Variants in ZNF804B observed in about 807,000 individuals in gnomAD.
The protein encoded by ZNF804B is zinc finger protein 804B, also known as zinc finger 804B.
Under a neutral mutation model 101.4 loss-of-function variants are expected in ZNF804B, and 80 were observed. The observed-to-expected ratio is 0.79, with a 90% CI of 0.66 to 0.95. The LOEUF (loss-of-function observed/expected upper bound fraction) is 0.95, where lower values mean the gene tolerates loss of function less well. Ranked by LOEUF, ZNF804B falls within the 40% of genes least tolerant of loss-of-function variation. The pLI, the probability that ZNF804B is intolerant of heterozygous loss-of-function variation, is 0.00. For synonymous variants in ZNF804B, 622 were observed against 558.8 expected (o/e 1.11, Z -1.59); for missense variants, 1,673 against 1,561.9 (o/e 1.07, Z -1.20).
At chr7:88,932,886 TGATTCCAAAAGATAAAC>T (rs1364562974) in intron 1 of ZNF804B, among the ~76,000 whole-genome samples, 1 of 151,628 alleles carries the variant, frequency 6.6e-6, no homozygotes, top group Admixed American at 6.6e-5. Flanking sequence ...CCTACTGAAA[TGATTCCAAAAGATAAAC>T]GATTCCAAAA....
intron 2 of ZNF804B, among the ~76,000 whole-genome samples, chr7:89,291,775 A>T (rs1450116143): frequency 6.6e-6 from 1 of 152,124 alleles, no homozygotes; most frequent in African/African-American, 2.4e-5. Context: ...ATCGAAGTAC[A>T]AGAAAGTTAT....
chr7:88,942,595 A>G (rs1471245209), intron 1 of ZNF804B, among the ~76,000 whole-genome samples: 1 of 151,570 alleles, frequency 6.6e-6, no homozygotes, highest in Non-Finnish European at 1.5e-5. Context: ...GCTTGAAAAA[A>G]AAAAGCCTGG....
chr7:89,015,059 T>C (rs1189967290), intron 1 of ZNF804B, among the ~76,000 whole-genome samples: 3 of 152,202 alleles, frequency 2.0e-5, no homozygotes, highest in Admixed American at 6.5e-5. Context: ...GCTTTCATTC[T>C]TCTGCATATA....
At chr7:89,016,002 T>C (rs182159413) in intron 1 of ZNF804B, among the ~76,000 whole-genome samples, 2,661 of 152,286 alleles carry the variant, frequency 0.017, 37 homozygotes, top group South Asian at 0.029. Context: ...GCACCTGTTG[T>C]TTCCTGGCTT....
Position 88,886,093 on chromosome 7 carries a change from A to T in ZNF804B, c.108+126009A>T, listed in dbSNP as rs1229687048. Among the ~76,000 whole-genome samples the T allele has an allele frequency of 6.6e-5, 10 of 152,260 alleles. No homozygotes were observed. In the South Asian group the frequency reaches 2.1e-3, roughly 31 times the overall value. On this transcript the variant is annotated intron_variant, in intron 1 of 3. Coordinates refer to ENST00000333190, the MANE Select transcript of ZNF804B (RefSeq NM_181646.5). ...TCACCATAAGATATGAACATAATTT[A>T]GGAGACGAATTAGTTCAAAACAATG...
intron 1 of ZNF804B, among the ~76,000 whole-genome samples, chr7:88,988,825 T>C (rs2116148628): frequency 6.6e-6 from 1 of 152,244 alleles, no homozygotes; most frequent in East Asian, 1.9e-4. Flanking sequence ...GAGAAGAACC[T>C]TTTAAAACGA....
At chr7:88,792,691 GGT>G (rs1265478839) in intron 1 of ZNF804B, among the ~76,000 whole-genome samples, 1 of 151,848 alleles carries the variant, frequency 6.6e-6, no homozygotes, top group African/African-American at 2.4e-5. Flanking sequence ...TTTAATATTA[GGT>G]GTTTTTTTCT....
chr7:88,990,326 G>T (rs1420109578), intron 1 of ZNF804B, among the ~76,000 whole-genome samples: 11 of 151,762 alleles, frequency 7.2e-5, no homozygotes, highest in Non-Finnish European at 1.6e-4. Context: ...AAAATAAGTG[G>T]ATTGTATCCT....
At chr7:89,164,798 AAAT>A (rs1448875701) in intron 1 of ZNF804B, among the ~76,000 whole-genome samples, 2 of 152,238 alleles carry the variant, frequency 1.3e-5, no homozygotes, top group African/African-American at 2.4e-5. Flanking sequence ...TGAAGCATTA[AAAT>A]AATATCTGTA....
chr7:88,819,055 T>C (rs1382259798), intron 1 of ZNF804B, among the ~76,000 whole-genome samples: 1 of 152,148 alleles, frequency 6.6e-6, no homozygotes, highest in Non-Finnish European at 1.5e-5. Context: ...GATAGTAGCG[T>C]GATTGACTGT....
chr7:89,103,205 T>C (rs112711679), intron 1 of ZNF804B, among the ~76,000 whole-genome samples: 49 of 150,962 alleles, frequency 3.2e-4, no homozygotes, highest in Non-Finnish European at 6.2e-4. Context: ...TTTTTTTTTT[T>C]CCTGGTTCTT....
intron 1 of ZNF804B, among the ~76,000 whole-genome samples, chr7:89,206,187 A>G (rs2115663485): frequency 6.6e-6 from 1 of 152,008 alleles, no homozygotes; most frequent in African/African-American, 2.4e-5. Flanking sequence ...CCATAAAACC[A>G]TTTTTCCCTC....
chr7:88,933,010 C>A (rs1472019074), intron 1 of ZNF804B, among the ~76,000 whole-genome samples: 1 of 151,548 alleles, frequency 6.6e-6, no homozygotes, highest in Non-Finnish European at 1.5e-5. Context: ...AATTACAGAC[C>A]AATATCCCTG....
intron 1 of ZNF804B, among the ~76,000 whole-genome samples, chr7:88,786,889 A>C (rs1790310020): frequency 6.6e-6 from 1 of 152,166 alleles, no homozygotes; most frequent in Non-Finnish European, 1.5e-5. Flanking sequence ...AAGACACTAA[A>C]TATACAAATG....
intron 1 of ZNF804B, among the ~76,000 whole-genome samples, chr7:88,806,957 T>C (rs1283256956): frequency 1.3e-5 from 2 of 152,158 alleles, no homozygotes. Flanking sequence ...AAAGGAAAAT[T>C]CTTCACGGTC....
At chr7:89,024,966 C>T (rs1033725949) in intron 1 of ZNF804B, among the ~76,000 whole-genome samples, 26 of 151,944 alleles carry the variant, frequency 1.7e-4, no homozygotes, top group Admixed American at 7.2e-4. Flanking sequence ...AAGCTTTGAG[C>T]GACTAATTAC....
At chr7:88,967,104 G>A (rs1584043857) in intron 1 of ZNF804B, among the ~76,000 whole-genome samples, 1 of 151,368 alleles carries the variant, frequency 6.6e-6, no homozygotes, top group Non-Finnish European at 1.5e-5. Flanking sequence ...AAACCTTTCA[G>A]TTTTTGATAG....
chr7:89,300,047 C>T (rs968251959), intron 2 of ZNF804B, among the ~76,000 whole-genome samples: 11 of 151,526 alleles, frequency 7.3e-5, no homozygotes, highest in African/African-American at 2.7e-4. Context: ...CAGCACATCA[C>T]CATCTCCTGC....
chr7:89,048,429 C>T (rs1444549412), intron 1 of ZNF804B, among the ~76,000 whole-genome samples: 1 of 151,830 alleles, frequency 6.6e-6, no homozygotes, highest in African/African-American at 2.4e-5. Flanking sequence ...TCTGTAACCT[C>T]CTATCTAGTC....
Sources: gnomAD v4.1 joint callset for allele counts (sites outside exome capture counted in the v4.1 genomes callset) on GRCh38, gnomAD v4.1.1 for gene constraint, MANE v1.5 for transcripts, NCBI Gene and HGNC (gene_info 2026-07-23, HGNC 2026-07-21) for gene names.